CBFB: variants seen among roughly 807,000 people sequenced by gnomAD.
The protein encoded by CBFB is CBF-beta.
In CBFB, 9 loss-of-function variants were observed where a neutral mutation model predicts 30.4. The ratio of observed to expected loss-of-function variants is 0.30; its 90% CI spans 0.18 to 0.52. CBFB has a LOEUF of 0.52. Ranked by LOEUF, CBFB falls within the 20% of genes least tolerant of loss-of-function variation. CBFB has a pLI of 0.97. For missense variants in CBFB, 170 were observed against 244.0 expected (o/e 0.70, Z 2.02); for synonymous variants, 94 against 84.0 (o/e 1.12, Z -0.65).
intron 4 of CBFB, 72 bp from the exon 5 acceptor site, chr16:67,082,141 A>AAC: frequency 2.3e-6 from 3 of 1,316,344 alleles, no homozygotes; most frequent in South Asian, 1.6e-5. Context: ...AAAAAAAAAA[A>AAC]AAAACAAAAC....
chr16:67,033,512 G>A (rs1414373214), intron 2 of CBFB, among the ~76,000 whole-genome samples: 4 of 150,452 alleles, frequency 2.7e-5, no homozygotes, highest in South Asian at 4.2e-4. Context: ...GTAGAGATGG[G>A]TTTCACCATG....
intron 4 of CBFB, among the ~76,000 whole-genome samples, chr16:67,068,102 A>G (rs146030098): frequency 3.2e-4 from 48 of 152,328 alleles, no homozygotes; most frequent in African/African-American, 1.1e-3. Context: ...TGCTGACTCA[A>G]GATGTTTGGG....
At chr16:67,081,247 C>T (rs1053354152) in intron 4 of CBFB, among the ~76,000 whole-genome samples, 3 of 150,392 alleles carry the variant, frequency 2.0e-5, no homozygotes, top group Non-Finnish European at 2.9e-5. Flanking sequence ...TTGTTCTTGG[C>T]GATAGTTTAC....
chr16:67,036,409 T>C, intron 2 of CBFB: 1 of 460,686 alleles, frequency 2.2e-6, no homozygotes, highest in East Asian at 3.2e-5. Flanking sequence ...AAGTATTGAT[T>C]CCATGTCTGA....
chr16:67,071,217 G>A (rs1597147886), intron 4 of CBFB, among the ~76,000 whole-genome samples: 1 of 152,196 alleles, frequency 6.6e-6, no homozygotes, highest in East Asian at 1.9e-4. Context: ...CGTATAATGT[G>A]AATCCTGGCC....
At chr16:67,094,580 A>G (rs1056316182) in intron 5 of CBFB, among the ~76,000 whole-genome samples, 2 of 152,196 alleles carry the variant, frequency 1.3e-5, no homozygotes, top group Non-Finnish European at 2.9e-5. Context: ...CTCTTTTCAC[A>G]AAGTATTATT....
intron 3 of CBFB, among the ~76,000 whole-genome samples, chr16:67,044,580 A>G (rs78938889): frequency 0.021 from 3,170 of 152,280 alleles, 104 homozygotes; most frequent in African/African-American, 0.072. Context: ...TTTTATGAGC[A>G]TAAAATAAAG....
chr16:67,083,758 C>G (rs925732481), intron 5 of CBFB, among the ~76,000 whole-genome samples: 6 of 152,026 alleles, frequency 3.9e-5, no homozygotes, highest in African/African-American at 1.4e-4. Context: ...TTTTAATTGA[C>G]AATGGAATTT....
intron 3 of CBFB, among the ~76,000 whole-genome samples, chr16:67,064,897 T>TC (rs915440114): frequency 2.6e-5 from 4 of 152,188 alleles, no homozygotes; most frequent in African/African-American, 7.2e-5. Flanking sequence ...TTCTTTTTTT[T>TC]CTCTCTCTTT....
chr16:67,037,501 C>CT (rs1567604383), intron 3 of CBFB, among the ~76,000 whole-genome samples: 1 of 151,880 alleles, frequency 6.6e-6, no homozygotes, highest in Non-Finnish European at 1.5e-5. Context: ...AATGTGAAAA[C>CT]TTTAACTTGG....
In CBFB at chr16:67,048,925, A is replaced by G. The variant is rs138477617; in HGVS notation, c.282+12170A>G. Among the ~76,000 whole-genome samples the G allele has an allele frequency of 6.1e-3, 873 of 142,964 alleles. 3 individuals are homozygous for G. Among genetic ancestry groups the G allele is most frequent in the African/African-American group, 0.021 (786 of 38,176 alleles). The allele number at this position is 142,964 out of a possible 152,430, so 93.8% of individuals were successfully genotyped here. ...GACCTCCACCTCCCGGGTTCATGCA[A>G]TTCCCTACCTCAGCCTCCCGAGTAG... On this transcript the variant is annotated intron_variant, in intron 3 of 5. Transcript: ENST00000412916.
At chr16:67,049,417 G>T (rs1288482725) in intron 3 of CBFB, among the ~76,000 whole-genome samples, 2 of 151,728 alleles carry the variant, frequency 1.3e-5, no homozygotes. Flanking sequence ...GGCCAGGCTG[G>T]TCTCGAACTC....
intron 3 of CBFB, among the ~76,000 whole-genome samples, chr16:67,038,120 T>C (rs1243924838): frequency 6.6e-6 from 1 of 152,084 alleles, no homozygotes; most frequent in Admixed American, 6.6e-5. Flanking sequence ...TTTCATACTT[T>C]TTTTGTGTGT....
chr16:67,098,976 AG>A lies in CBFB; in HGVS notation c.*199del. ...TAATACCTGCATTTCTAATTTTTTA[AG>A]CATGTAGCCAGTAATAATTTGAAGT... On this transcript the variant is annotated 3_prime_UTR_variant, in exon 6 of 6. Coordinates refer to ENST00000412916, the MANE Select transcript of CBFB (RefSeq NM_022845.3). 1 of 446,180 alleles carries A rather than the reference AG, an allele frequency of 2.2e-6. No individual in the cohort carries two copies. Among genetic ancestry groups the A allele is most frequent in the Non-Finnish European group, 4.0e-6 (1 of 252,758 alleles). The allele number at this position is 446,180 out of a possible 1,614,324, so 27.6% of individuals were successfully genotyped here. A position where few individuals can be genotyped will look rare whatever the true frequency, so the allele number is the denominator to read the frequency against.
At chr16:67,036,198 C>T (rs529976461) in intron 2 of CBFB, among the ~76,000 whole-genome samples, 8 of 152,258 alleles carry the variant, frequency 5.3e-5, no homozygotes, top group Admixed American at 3.3e-4. Context: ...TGCAGTGTTT[C>T]AGCAAGGGAA....
At chr16:67,033,954 G>A (rs889674023) in intron 2 of CBFB, among the ~76,000 whole-genome samples, 10 of 150,652 alleles carry the variant, frequency 6.6e-5, no homozygotes, top group Admixed American at 4.0e-4. Context: ...TCAGCCTCCC[G>A]AGTAGCTAGG....
intron 4 of CBFB, among the ~76,000 whole-genome samples, chr16:67,069,468 T>C (rs1016322908): frequency 6.6e-6 from 1 of 151,664 alleles, no homozygotes; most frequent in Non-Finnish European, 1.5e-5. Flanking sequence ...ACAAGAAAAA[T>C]TAACAGTCTT....
chr16:67,052,787 C>G (rs975338872), intron 3 of CBFB, among the ~76,000 whole-genome samples: 2 of 151,920 alleles, frequency 1.3e-5, no homozygotes, highest in Admixed American at 6.6e-5. Flanking sequence ...CAAAGTGAGA[C>G]CCCATCTCTA....
At chr16:67,076,595 C>T (rs1030371750) in intron 4 of CBFB, among the ~76,000 whole-genome samples, 2 of 152,070 alleles carry the variant, frequency 1.3e-5, no homozygotes, top group Admixed American at 6.6e-5. Context: ...TAGTGGTCAC[C>T]TCTAGGAACA....
Sources: allele counts gnomAD v4.1 joint callset (sites outside exome capture counted in the v4.1 genomes callset), GRCh38; gene constraint gnomAD v4.1.1; transcripts MANE v1.5; gene names NCBI Gene and HGNC (gene_info 2026-07-23, HGNC 2026-07-21).